The following PIEZO2 variants were observed in gnomAD, a reference collection of about 807,000 sequenced individuals.
PIEZO2 encodes piezo-type mechanosensitive ion channel component 2.
Under a neutral mutation model 337.3 loss-of-function variants are expected in PIEZO2, and 172 were observed. The ratio of observed to expected loss-of-function variants is 0.51; its 90% CI spans 0.45 to 0.58. PIEZO2 has a LOEUF of 0.58. PIEZO2 is among the 20% of genes least tolerant of loss of function. The pLI is 0.00. For missense variants in PIEZO2, 3,028 were observed against 3,391.3 expected (o/e 0.89, Z 2.66); for synonymous variants, 1,251 against 1,228.5 (o/e 1.02, Z -0.38).
rs1304392179 is a variant in PIEZO2, at chr18:10,962,052, T to G, written c.286+17483A>C. Among the ~76,000 whole-genome samples, 2 of 151,954 alleles carry G rather than the reference T, an allele frequency of 1.3e-5. No homozygotes were observed. Among genetic ancestry groups the G allele is most frequent in the African/African-American group, 4.9e-5 (2 of 41,236 alleles). ...AAGCCATCCAGAAATGCACCACTGA[T>G]TCTCGCAACGTTCAGTTTTTTTTTC... On this transcript the variant is annotated intron_variant, in intron 3 of 55. Coordinates refer to ENST00000674853, the MANE Select transcript of PIEZO2 (RefSeq NM_001378183.1). This position sits in a 1 kb window ranked among gnomAD's most constrained non-coding sequence, Gnocchi z 4.1.
At chr18:11,011,126 G>T (rs1212400553) in intron 2 of PIEZO2, among the ~76,000 whole-genome samples, 1 of 152,124 alleles carries the variant, frequency 6.6e-6, no homozygotes, top group Non-Finnish European at 1.5e-5. Flanking sequence ...GCCTCCTAAA[G>T]ACTGCAATGG....
Position 10,726,478 on chromosome 18 carries a change from C to T in PIEZO2, c.5029+4929G>A, listed in dbSNP as rs2036545875. The T allele has an allele frequency of 6.6e-7, 1 of 1,522,868 alleles. No individual in the cohort carries two copies. Among genetic ancestry groups the T allele is most frequent in the African/African-American group, 1.4e-5 (1 of 72,566 alleles). 94.3% of individuals were successfully genotyped at this position (1,522,868 alleles called of 1,614,324 possible). ...AACCCCACGAGGAGGGCCTGGCCACCCTGCACAGCGTGCTGCTCCGCAAGC... is the reference window on the plus strand; with the variant it reads ...AACCCCACGAGGAGGGCCTGGCCACTCTGCACAGCGTGCTGCTCCGCAAGC... On this transcript the variant is annotated intron_variant, in intron 36 of 55. Transcript: ENST00000674853. This position sits in a 1 kb window ranked among gnomAD's most constrained non-coding sequence, Gnocchi z 5.9.
intron 2 of PIEZO2, among the ~76,000 whole-genome samples, chr18:11,053,118 A>C (rs2037589659): frequency 6.6e-6 from 1 of 152,226 alleles, no homozygotes; most frequent in Non-Finnish European, 1.5e-5. Flanking sequence ...GATCATAGTA[A>C]CAGCTCCCTT....
Position 10,804,084 on chromosome 18 carries a change from A to G in PIEZO2, c.1081-90T>C. ...AAGACAGAGCTTTTCATTTTGGCTC[A>G]GTATGATGACTTTTCAAAGTGAATG... On this transcript the variant is annotated intron_variant, in intron 8 of 55. Transcript: ENST00000674853. 3 of 1,437,496 alleles carry G rather than the reference A, an allele frequency of 2.1e-6. No homozygotes were observed. The African/African-American group carries it at 4.3e-5, about 21-fold the overall frequency. 89.0% of individuals were successfully genotyped at this position (1,437,496 alleles called of 1,614,324 possible).
At chr18:10,772,313 C>G (rs17488442) in intron 20 of PIEZO2, among the ~76,000 whole-genome samples, 1 of 151,966 alleles carries the variant, frequency 6.6e-6, no homozygotes, top group Non-Finnish European at 1.5e-5. Flanking sequence ...ATGATTTAGA[C>G]GTGTAGCTGC....
rs1041376048 is a variant in PIEZO2, at chr18:10,895,360, C to T, written c.329+15826G>A. Among the ~76,000 whole-genome samples, 2 of 152,028 alleles carry T rather than the reference C, an allele frequency of 1.3e-5. No homozygotes were observed. The highest frequency in any genetic ancestry group is 2.4e-5 in the African/African-American group (1 of 41,378). On this transcript the variant is annotated intron_variant, in intron 4 of 55. Coordinates refer to ENST00000674853, the MANE Select transcript of PIEZO2 (RefSeq NM_001378183.1). This position sits in a 1 kb window ranked among gnomAD's most constrained non-coding sequence, Gnocchi z 4.8. The stretch of plus-strand genomic sequence containing the variant: ...ACTCGGGAGGCTGAGGCAGGAGAAT[C>T]GCTTGAACCTGGGTGGCAGAGGTTG...
At chr18:10,725,486 T>C (rs903428450) in intron 36 of PIEZO2, 69 of 1,495,898 alleles carry the variant, frequency 4.6e-5, no homozygotes, top group Non-Finnish European at 4.8e-5. Flanking sequence ...TCCGGGTGGA[T>C]GGGTAGGCAT....
Position 10,803,869 on chromosome 18 carries a change from G to T in PIEZO2, c.1200+6C>A. On this transcript the variant is annotated splice_donor_region_variant and intron_variant, in intron 9 of 55. Transcript: ENST00000674853. ...GGGAACGGAAATCCCTTTCATCATG[G>T]CTTACTTTTCTCTCATCAGTGGGGT... The T allele has an allele frequency of 6.5e-7, 1 of 1,536,572 alleles. No homozygotes were observed. Among genetic ancestry groups the T allele is most frequent in the Non-Finnish European group, 8.7e-7 (1 of 1,146,766 alleles).
At position 11,001,459 on chromosome 18, in the gene PIEZO2, A is replaced by G. The variant is rs1410387832; in HGVS notation, c.161-21799T>C. On this transcript the variant is annotated intron_variant, in intron 2 of 55. Transcript: ENST00000674853. The surrounding 1 kb of genome is among the most constrained non-coding windows in gnomAD (Gnocchi z 5.3). ...CTCTTCTTTGACCCTGCTAGAGATG[A>G]CTTCACTGTCAGACAGTGAAAATCA... 2.0e-5 allele frequency among the ~76,000 whole-genome samples: 3 copies of G among 152,088 alleles called. No homozygotes were observed. Among genetic ancestry groups the G allele is most frequent in the African/African-American group, 4.8e-5 (2 of 41,416 alleles).
chr18:10,917,690 C>A (rs1455886188), intron 3 of PIEZO2, among the ~76,000 whole-genome samples: 2 of 152,126 alleles, frequency 1.3e-5, no homozygotes, highest in Non-Finnish European at 2.9e-5. Flanking sequence ...TCTGCTTCTT[C>A]AAAATAATCA....
At chr18:11,115,636 A>G (rs1186329489) in intron 1 of PIEZO2, among the ~76,000 whole-genome samples, 2 of 152,218 alleles carry the variant, frequency 1.3e-5, no homozygotes, top group African/African-American at 4.8e-5. Context: ...ACATTTATGA[A>G]TATGGAGAAC....
At position 11,112,803 on chromosome 18, in the gene PIEZO2, C is replaced by T. The variant is rs973212606; in HGVS notation, c.64+35722G>A. Among the ~76,000 whole-genome samples, 6 of 152,088 alleles carry T rather than the reference C, an allele frequency of 3.9e-5. No homozygotes were observed. The highest frequency in any genetic ancestry group is 4.2e-4 in the South Asian group (2 of 4,810). On this transcript the variant is annotated intron_variant, in intron 1 of 55. Coordinates refer to ENST00000674853, the MANE Select transcript of PIEZO2 (RefSeq NM_001378183.1). This position sits in a 1 kb window ranked among gnomAD's most constrained non-coding sequence, Gnocchi z 4.3. ...TTCTCTCCATCTGCAGTTAGGTCAC[C>T]GACAAGAGGAAGAGGCGCTATGGAG...
rs1337795361 is a variant in PIEZO2 at position 10,982,759 on chromosome 18, C to CA, written c.161-3100dup. On this transcript the variant is annotated intron_variant, in intron 2 of 55. Coordinates refer to ENST00000674853, the MANE Select transcript of PIEZO2 (RefSeq NM_001378183.1). This position sits in a 1 kb window ranked among gnomAD's most constrained non-coding sequence, Gnocchi z 4.1. ...TTTTTGAGACAGGGTCTCACTCTGT[C>CA]ACCCAGGCTGGAGTGAAGTGGCATG... 6.6e-6 allele frequency among the ~76,000 whole-genome samples: 1 copy of CA among 151,830 alleles called. No individual in the cohort carries two copies. Among genetic ancestry groups the CA allele is most frequent in the African/African-American group, 2.4e-5 (1 of 41,322 alleles).
chr18:10,928,722 C>T (rs264262), intron 3 of PIEZO2, among the ~76,000 whole-genome samples: 95,719 of 152,088 alleles, frequency 0.63, 30,650 homozygotes, highest in African/African-American at 0.74. Flanking sequence ...AAAGTTCCCC[C>T]TATTTATTAG....
At chr18:10,970,622 T>C (rs1227621896) in intron 3 of PIEZO2, among the ~76,000 whole-genome samples, 1 of 151,856 alleles carries the variant, frequency 6.6e-6, no homozygotes, top group Non-Finnish European at 1.5e-5. Flanking sequence ...AGATGTTATC[T>C]ACTGATTTAG....
intron 1 of PIEZO2, among the ~76,000 whole-genome samples, chr18:11,075,828 A>G (rs1222527532): frequency 1.2e-4 from 17 of 139,022 alleles, no homozygotes; most frequent in East Asian, 6.3e-4. Flanking sequence ...TCGCTCTGTC[A>G]CCCAGGCTGG....
At chr18:10,742,400 C>A in intron 32 of PIEZO2, 94 bp downstream of exon 32, 2 of 1,366,862 alleles carry the variant, frequency 1.5e-6, no homozygotes, top group South Asian at 1.4e-5. Context: ...ATAATCTTGG[C>A]AGAATAAGAA....
chr18:10,729,623 C>CAAA (rs374976832), intron 36 of PIEZO2, among the ~76,000 whole-genome samples: 2,163 of 124,496 alleles, frequency 0.017, 66 homozygotes, highest in African/African-American at 0.055. Flanking sequence ...GACTCTGTCT[C>CAAA]AAAAAAAAAA....
At chr18:10,914,202 T>G (rs1291977361) in intron 3 of PIEZO2, among the ~76,000 whole-genome samples, 1 of 152,150 alleles carries the variant, frequency 6.6e-6, no homozygotes, top group Non-Finnish European at 1.5e-5. Context: ...CAAAAGTAGC[T>G]GGCAGACTTC....
Sources: allele counts gnomAD v4.1 joint callset (sites outside exome capture counted in the v4.1 genomes callset), GRCh38; gene constraint gnomAD v4.1.1; non-coding constraint Gnocchi (gnomAD v3.1); transcripts MANE v1.5; gene names NCBI Gene and HGNC (gene_info 2026-07-23, HGNC 2026-07-21).